Variants in PAPOLA observed in about 807,000 individuals in gnomAD.
PAPOLA encodes polynucleotide adenylyltransferase alpha.
In PAPOLA, 15 loss-of-function variants were observed where a neutral mutation model predicts 100.6. That is an observed-to-expected ratio of 0.15 (90% CI 0.10 to 0.23). The LOEUF (loss-of-function observed/expected upper bound fraction) is 0.23. PAPOLA is among the 10% of genes least tolerant of loss of function. The pLI is 1.00. For missense variants in PAPOLA, 533 were observed against 884.2 expected, an observed-to-expected ratio of 0.60 and a Z score of 5.04; for synonymous variants, 293 against 300.0, an observed-to-expected ratio of 0.98 and a Z score of 0.24.
intron 15 of PAPOLA, among the ~76,000 whole-genome samples, chr14:96,545,463 G>A (rs1179200652): frequency 6.6e-6 from 1 of 152,054 alleles, no homozygotes; most frequent in Non-Finnish European, 1.5e-5. Context: ...TGGTAAAAGT[G>A]AAAGTTGCAA....
intron 13 of PAPOLA, 143 bp downstream of exon 13, chr14:96,542,439 G>T: frequency 1.7e-6 from 1 of 594,894 alleles, no homozygotes; most frequent in South Asian, 2.4e-5. Context: ...ACTGTGTGTA[G>T]TGGAAGTACA....
chr14:96,520,817 G>GTATA (rs559307982), intron 2 of PAPOLA, 189 bp from the exon 3 acceptor site: 11 of 501,994 alleles, frequency 2.2e-5, no homozygotes, highest in Non-Finnish European at 1.1e-5. Flanking sequence ...AACAGTGCCT[G>GTATA]TATATATATA....
rs188019307 is a variant in PAPOLA at position 96,520,536 on chromosome 14, C to T, written c.182+308C>T. Reference sequence around the variant, plus strand: ...GATTATAGGTACCCGCCACCACGCCCGGCTAATTTTTTGTATTTTTAGTAG... The same window carrying T: ...GATTATAGGTACCCGCCACCACGCCTGGCTAATTTTTTGTATTTTTAGTAG... On this transcript the variant is annotated intron_variant, in intron 2 of 21. Transcript: ENST00000216277. Among the ~76,000 whole-genome samples, 451 of 152,064 alleles carry T rather than the reference C, an allele frequency of 3.0e-3. 3 individuals carry two copies. The highest frequency in any genetic ancestry group is 9.9e-3 in the African/African-American group (411 of 41,474).
At chr14:96,540,900 G>T (rs1366961405) in intron 12 of PAPOLA, among the ~76,000 whole-genome samples, 19 of 151,456 alleles carry the variant, frequency 1.3e-4, no homozygotes, top group African/African-American at 3.6e-4. Flanking sequence ...TCTTTTTTTT[G>T]TTTTGAGACG....
chr14:96,535,512 A>G (rs1899441615), intron 10 of PAPOLA: 7 of 989,100 alleles, frequency 7.1e-6, no homozygotes, highest in Non-Finnish European at 8.4e-6. Flanking sequence ...ATTAGCTTAC[A>G]AAACATTGTA....
intron 1 of PAPOLA, among the ~76,000 whole-genome samples, chr14:96,503,612 T>G (rs1215013867): frequency 2.0e-5 from 3 of 152,152 alleles, no homozygotes; most frequent in African/African-American, 7.2e-5. Flanking sequence ...AGTGCCTCTT[T>G]GAGACCAGGG....
chr14:96,558,530 T>A (rs1901548216), intron 19 of PAPOLA, among the ~76,000 whole-genome samples: 1 of 152,176 alleles, frequency 6.6e-6, no homozygotes, highest in East Asian at 1.9e-4. Flanking sequence ...ACACTTGTGT[T>A]TCTTGTCTGG....
intron 12 of PAPOLA, 59 bp downstream of exon 12, chr14:96,537,119 C>T (rs1899604135): frequency 5.6e-6 from 5 of 890,086 alleles, no homozygotes; most frequent in Non-Finnish European, 7.6e-6. Flanking sequence ...TTAATGGTAG[C>T]ACATTATGAC....
chr14:96,551,705 G>A (rs997393219), intron 16 of PAPOLA, among the ~76,000 whole-genome samples: 13 of 152,100 alleles, frequency 8.5e-5, no homozygotes, highest in African/African-American at 3.1e-4. Flanking sequence ...ACCAAATAGC[G>A]AAAATTTAAA....
At chr14:96,535,504 T>A in intron 10 of PAPOLA, 3 of 987,154 alleles carry the variant, frequency 3.0e-6, no homozygotes, top group Non-Finnish European at 2.4e-6. Flanking sequence ...TGTTGAAAAT[T>A]AGCTTACAAA....
At chr14:96,557,271 C>T (rs983510346) in intron 19 of PAPOLA, among the ~76,000 whole-genome samples, 6 of 152,040 alleles carry the variant, frequency 3.9e-5, no homozygotes, top group African/African-American at 1.2e-4. Flanking sequence ...GGCTTGTCTC[C>T]AGCTCCTGGG....
chr14:96,536,996 A>G lies in PAPOLA; in HGVS notation c.1051A>G (p.Ile351Val), dbSNP rs747672027. Residue 351 changes from isoleucine (I) to valine (V), a missense_variant, in exon 12 of 22, where the codon ATT (isoleucine) becomes GTT (valine). Transcript: ENST00000216277. ...FKQGLAITDE[I>V]LLSKAEWSKL... ...TTTAGGTCTTGCTATCACAGATGAA[A>G]TTTTGCTGAGTAAGGCAGAGTGGTC... 4 of 1,603,842 alleles carry G rather than the reference A, an allele frequency of 2.5e-6. No homozygotes were observed. The highest frequency in any genetic ancestry group is 3.3e-5 in the Admixed American group (2 of 59,954).
rs989474933 is a variant in PAPOLA at position 96,564,960 on chromosome 14, A to T, written c.2148A>T (p.Thr716=). 6.6e-7 allele frequency: 1 copy of T among 1,525,364 alleles called. No individual in the cohort carries two copies. The highest frequency in any genetic ancestry group is 9.1e-7 in the Non-Finnish European group (1 of 1,099,342). The allele number at this position is 1,525,364 out of a possible 1,614,324, so 94.5% of individuals were successfully genotyped here. The part of the protein sequence containing the change: ...TAASLLASQK[T]SSTDLSDIPA... ...TTCTTTGCTTTCATTCTCAGAAAAC[A>T]TCCAGTACAGACCTTTCTGATATCC... is the stretch of plus-strand genomic sequence containing the variant. Residue 716 remains threonine (T), a synonymous_variant, in exon 22 of 22, where the codon ACA becomes ACT. Coordinates refer to ENST00000216277, the MANE Select transcript of PAPOLA (RefSeq NM_032632.5).
intron 10 of PAPOLA, 167 bp downstream of exon 10, chr14:96,534,730 A>T: frequency 7.0e-7 from 1 of 1,435,462 alleles, no homozygotes; most frequent in Non-Finnish European, 9.1e-7. Context: ...ACTATAATTG[A>T]TGTGAGAAGC....
Position 96,502,404 on chromosome 14 carries a change from C to T in PAPOLA, c.-189C>T, listed in dbSNP as rs1387805931. ...TCTAGAACGTTGCTGTGGTAGCGCT[C>T]GGGCGCCATGTTAGGACGAAGGGGA... On this transcript the variant is annotated 5_prime_UTR_variant, in exon 1 of 22. Coordinates refer to ENST00000216277, the MANE Select transcript of PAPOLA (RefSeq NM_032632.5). 8.6e-6 allele frequency: 6 copies of T among 697,058 alleles called. No individual in the cohort carries two copies. Among genetic ancestry groups the T allele is most frequent in the South Asian group, 1.5e-5 (1 of 66,456 alleles). 43.2% of individuals were successfully genotyped at this position (697,058 alleles called of 1,614,324 possible).
chr14:96,508,082 G>A (rs897725195), intron 1 of PAPOLA, among the ~76,000 whole-genome samples: 3 of 151,906 alleles, frequency 2.0e-5, no homozygotes, highest in African/African-American at 7.3e-5. Context: ...CCCTGTATTG[G>A]CCAGGTTGGT....
intron 12 of PAPOLA, among the ~76,000 whole-genome samples, chr14:96,540,784 A>G (rs1899917727): frequency 6.6e-6 from 1 of 152,228 alleles, no homozygotes; most frequent in African/African-American, 2.4e-5. Flanking sequence ...GAACTTTACA[A>G]TACCTCTGCC....
At chr14:96,542,336 A>G in intron 13 of PAPOLA, 40 bp downstream of exon 13, 1 of 1,242,048 alleles carries the variant, frequency 8.1e-7, no homozygotes. Context: ...AGCAAACTTC[A>G]AAATGAATCA....
At chr14:96,533,546 C>CTTTTTTTTTTTT (rs1172413058) in intron 9 of PAPOLA, 7 of 574,908 alleles carry the variant, frequency 1.2e-5, no homozygotes, top group African/African-American at 8.6e-5. Flanking sequence ...GTCAGAATTT[C>CTTTTTTTTTTTT]TTTTTTTTTT....
Sources: allele counts gnomAD v4.1 joint callset (sites outside exome capture counted in the v4.1 genomes callset), GRCh38; gene constraint gnomAD v4.1.1; transcripts MANE v1.5; gene names NCBI Gene and HGNC (gene_info 2026-07-23, HGNC 2026-07-21).